The following NKAIN2 variants were observed in gnomAD, a reference collection of about 807,000 sequenced individuals.
The protein encoded by NKAIN2 is sodium/potassium-transporting ATPase subunit beta-1-interacting protein 2.
NKAIN2 carries 14 observed loss-of-function variants against 32.6 expected under a neutral mutation model. That is an observed-to-expected ratio of 0.43 (90% CI 0.28 to 0.67). The LOEUF (loss-of-function observed/expected upper bound fraction) is 0.67, where lower values mean the gene tolerates loss of function less well. NKAIN2 is among the 30% of genes least tolerant of loss of function. The pLI, the probability that NKAIN2 is intolerant of heterozygous loss-of-function variation, is 0.17. For synonymous variants in NKAIN2, 80 were observed against 87.2 expected, an observed-to-expected ratio of 0.92 and a Z score of 0.46; for missense variants, 198 against 258.3, an observed-to-expected ratio of 0.77 and a Z score of 1.60.
chr6:124,780,081 A>G (rs1779189117), intron 4 of NKAIN2, among the ~76,000 whole-genome samples: 1 of 152,218 alleles, frequency 6.6e-6, no homozygotes, highest in Non-Finnish European at 1.5e-5. Context: ...GAAAGAAGCC[A>G]GACACCAAGC....
At chr6:124,081,305 G>A (rs1421727178) in intron 1 of NKAIN2, among the ~76,000 whole-genome samples, 1 of 151,998 alleles carries the variant, frequency 6.6e-6, no homozygotes, top group Non-Finnish European at 1.5e-5. Context: ...TTTCTGTTTA[G>A]TAATGAGACC....
At chr6:123,995,202 T>C (rs1582900082) in intron 1 of NKAIN2, among the ~76,000 whole-genome samples, 1 of 152,184 alleles carries the variant, frequency 6.6e-6, no homozygotes, top group Admixed American at 6.5e-5. Context: ...TTCAAAAGAT[T>C]TTGATAAATG....
At chr6:123,905,884 T>C (rs928726056) in intron 1 of NKAIN2, among the ~76,000 whole-genome samples, 1 of 152,188 alleles carries the variant, frequency 6.6e-6, no homozygotes, top group African/African-American at 2.4e-5. Flanking sequence ...TTTGACTCTA[T>C]ATAAAATATG....
At chr6:124,138,475 A>G (rs747179617) in intron 1 of NKAIN2, among the ~76,000 whole-genome samples, 7 of 152,056 alleles carry the variant, frequency 4.6e-5, no homozygotes, top group Non-Finnish European at 7.4e-5. Context: ...CGATCCGGCA[A>G]TCCCACTAGT....
At chr6:124,247,442 G>A (rs552268041) in intron 1 of NKAIN2, among the ~76,000 whole-genome samples, 3 of 152,226 alleles carry the variant, frequency 2.0e-5, no homozygotes, top group East Asian at 1.9e-4. Context: ...TCTACTCAAC[G>A]TCATAAACTT....
intron 4 of NKAIN2, among the ~76,000 whole-genome samples, chr6:124,759,734 C>T (rs937388486): frequency 6.6e-6 from 1 of 151,418 alleles, no homozygotes; most frequent in African/African-American, 2.4e-5. Context: ...AATGTTTCTC[C>T]CAACATTCAT....
chr6:123,873,588 G>A (rs1247315741), intron 1 of NKAIN2, among the ~76,000 whole-genome samples: 1 of 152,138 alleles, frequency 6.6e-6, no homozygotes, highest in Non-Finnish European at 1.5e-5. Flanking sequence ...AACTTTATAG[G>A]AGGGCATTTC....
chr6:124,587,155 A>C (rs1781739370), intron 3 of NKAIN2, among the ~76,000 whole-genome samples: 1 of 152,200 alleles, frequency 6.6e-6, no homozygotes, highest in South Asian at 2.1e-4. Flanking sequence ...GATGTAAATT[A>C]TGCCTTACTA....
At chr6:124,018,340 C>T (rs1265942534) in intron 1 of NKAIN2, among the ~76,000 whole-genome samples, 1 of 152,144 alleles carries the variant, frequency 6.6e-6, no homozygotes, top group East Asian at 1.9e-4. Context: ...CCCTGACATG[C>T]TCTGGAGACA....
intron 3 of NKAIN2, among the ~76,000 whole-genome samples, chr6:124,405,102 C>T (rs1453997889): frequency 6.6e-6 from 1 of 152,104 alleles, no homozygotes; most frequent in Non-Finnish European, 1.5e-5. Context: ...CTTACCTGTT[C>T]AGTAAAAATG....
In NKAIN2 at chr6:124,523,155, AG is replaced by A. The variant is rs879461339; in HGVS notation, c.274-135030del. 3.1e-4 allele frequency among the ~76,000 whole-genome samples: 2 copies of A among 6,512 alleles called. 1 individual carries two copies. The highest frequency in any genetic ancestry group is 8.7e-3 in the Non-Finnish European group (2 of 230). The allele number at this position is 6,512 out of a possible 152,430, so 4.3% of individuals were successfully genotyped here. ...GAGACTCCGTCTCAAAAAAAAAAAA[AG>A]AAAAAAGATCTTTAACTGAATTTTT... On this transcript the variant is annotated intron_variant, in intron 3 of 6. Coordinates refer to ENST00000368417, the MANE Select transcript of NKAIN2 (RefSeq NM_001040214.3).
At chr6:123,848,322 G>T (rs1775176882) in intron 1 of NKAIN2, among the ~76,000 whole-genome samples, 1 of 152,168 alleles carries the variant, frequency 6.6e-6, no homozygotes, top group Non-Finnish European at 1.5e-5. Context: ...CATGCTACCT[G>T]ATATGGTTTA....
At chr6:124,426,198 G>A (rs996313446) in intron 3 of NKAIN2, among the ~76,000 whole-genome samples, 1 of 152,134 alleles carries the variant, frequency 6.6e-6, no homozygotes, top group Non-Finnish European at 1.5e-5. Context: ...GAAAGGTGTA[G>A]TCTATGTCCC....
chr6:123,848,152 C>T (rs962473454), intron 1 of NKAIN2, among the ~76,000 whole-genome samples: 4 of 152,170 alleles, frequency 2.6e-5, no homozygotes, highest in Non-Finnish European at 4.4e-5. Flanking sequence ...TTACTGTTAT[C>T]GTGTGGCTGA....
intron 1 of NKAIN2, among the ~76,000 whole-genome samples, chr6:123,955,943 T>C (rs1038461744): frequency 1.3e-5 from 2 of 152,168 alleles, no homozygotes; most frequent in Non-Finnish European, 2.9e-5. Context: ...TAAACATTAA[T>C]ATTTAAAAGC....
chr6:124,801,703 G>A (rs944135852), intron 5 of NKAIN2, among the ~76,000 whole-genome samples: 1 of 152,144 alleles, frequency 6.6e-6, no homozygotes, highest in East Asian at 1.9e-4. Flanking sequence ...CTTGATGAAA[G>A]TTCAGACAAG....
intron 1 of NKAIN2, among the ~76,000 whole-genome samples, chr6:124,115,397 G>A (rs926588289): frequency 6.6e-6 from 1 of 152,074 alleles, no homozygotes; most frequent in South Asian, 2.1e-4. Flanking sequence ...TCTATATTGA[G>A]CATATCAAAG....
chr6:124,143,162 G>A (rs58404505), intron 1 of NKAIN2, among the ~76,000 whole-genome samples: 4,382 of 152,204 alleles, frequency 0.029, 184 homozygotes, highest in East Asian at 0.12. Context: ...TGTTTTTAAA[G>A]TTAAAAAAAT....
chr6:124,532,967 G>T (rs1305803266), intron 3 of NKAIN2, among the ~76,000 whole-genome samples: 1 of 152,144 alleles, frequency 6.6e-6, no homozygotes, highest in South Asian at 2.1e-4. Flanking sequence ...TAGGAGCTGG[G>T]TTTGCTTCCT....
Sources: gnomAD v4.1 joint callset for allele counts (sites outside exome capture counted in the v4.1 genomes callset) on GRCh38, gnomAD v4.1.1 for gene constraint, MANE v1.5 for transcripts, NCBI Gene and HGNC (gene_info 2026-07-23, HGNC 2026-07-21) for gene names.